KCNQ1OT1: variants seen among roughly 807,000 people sequenced by gnomAD.
KCNQ1OT1 encodes the protein KCNQ1 opposite strand/antisense transcript 1.
chr11:2,672,536 G>T (rs1015490369), exon 1 of KCNQ1OT1: 1 of 398,558 alleles, frequency 2.5e-6, no homozygotes, highest in Non-Finnish European at 4.4e-6. Flanking sequence ...TTACCAGCCT[G>T]TCTTCCACAT....
At chr11:2,689,425 G>A (rs1850552188) in exon 1 of KCNQ1OT1, 2 of 398,724 alleles carry the variant, frequency 5.0e-6, no homozygotes, top group South Asian at 2.5e-4. Context: ...CATAGGGGAG[G>A]AGGAAGACAC....
rs1849176933 is a variant in KCNQ1OT1, at chr11:2,621,808, T to C, written n.78187A>G. On this transcript the variant is annotated non_coding_transcript_exon_variant, in exon 1 of 1. Transcript: ENST00000597346. This position sits in a 1 kb window ranked among gnomAD's most constrained non-coding sequence, Gnocchi z 5.7. ...GATTTTATTTTTCAAAAATCAATTC[T>C]TTGTTTCAAAAATTGAAGTCTTAGT... 2 of 398,362 alleles carry C rather than the reference T, an allele frequency of 5.0e-6. No individual in the cohort carries two copies. Among genetic ancestry groups the C allele is most frequent in the East Asian group, 7.1e-5 (2 of 27,990 alleles). The allele number at this position is 398,362 out of a possible 1,614,324, so 24.7% of individuals were successfully genotyped here. A position where few individuals can be genotyped will look rare whatever the true frequency, so the allele number is the denominator to read the frequency against.
chr11:2,634,432 G>C (rs1849421221), exon 1 of KCNQ1OT1: 1 of 170,112 alleles, frequency 5.9e-6, no homozygotes, highest in African/African-American at 2.5e-5. Flanking sequence ...TGCGGTGTTT[G>C]GTTTTTCATT....
rs1590001331 is a variant in KCNQ1OT1 at position 2,644,259 on chromosome 11, C to T, written n.55736G>A. ...TTATGGCATCCTATAGTCACATAGC[C>T]TTTGTTCATTCTTTTCTATTTTTTC... On this transcript the variant is annotated non_coding_transcript_exon_variant, in exon 1 of 1. Transcript: ENST00000597346. 5.8e-5 allele frequency: 23 copies of T among 398,282 alleles called. No homozygotes were observed. In the East Asian group the frequency reaches 8.2e-4, roughly 14 times the overall value. The allele number at this position is 398,282 out of a possible 1,614,324, so 24.7% of individuals were successfully genotyped here.
In KCNQ1OT1 at chr11:2,687,128, G is replaced by A. The variant is rs1257075919; in HGVS notation, n.12867C>T. 5 of 398,546 alleles carry A rather than the reference G, an allele frequency of 1.3e-5. No individual in the cohort carries two copies. The highest frequency in any genetic ancestry group is 2.2e-5 in the Non-Finnish European group (5 of 226,078). 24.7% of individuals were successfully genotyped at this position (398,546 alleles called of 1,614,324 possible). ...CACCTTGACACACAAACTGCACAGG[G>A]AGGGGAGGAATCTGAGCCAGCTTCC... On this transcript the variant is annotated non_coding_transcript_exon_variant, in exon 1 of 1. Transcript: ENST00000597346. This position sits in a 1 kb window ranked among gnomAD's most constrained non-coding sequence, Gnocchi z 5.0.
chr11:2,679,420 C>A lies in KCNQ1OT1; in HGVS notation n.20575G>T. 5.0e-6 allele frequency: 2 copies of A among 398,584 alleles called. No homozygotes were observed. The highest frequency in any genetic ancestry group is 8.8e-6 in the Non-Finnish European group (2 of 226,058). The allele number at this position is 398,584 out of a possible 1,614,324, so 24.7% of individuals were successfully genotyped here. A position where few individuals can be genotyped will look rare whatever the true frequency, so the allele number is the denominator to read the frequency against. Reference sequence around the variant, plus strand: ...AAAATGGGAATCATAAGAGTACCTTCCTCAGAGGGTTGTTAGGAGGATTAC... The same window carrying A: ...AAAATGGGAATCATAAGAGTACCTTACTCAGAGGGTTGTTAGGAGGATTAC... On this transcript the variant is annotated non_coding_transcript_exon_variant, in exon 1 of 1. Coordinates refer to ENST00000597346, the Ensembl canonical transcript of KCNQ1OT1. The surrounding 1 kb of genome is among the most constrained non-coding windows in gnomAD (Gnocchi z 4.8).
chr11:2,621,802 C>A lies in KCNQ1OT1; in HGVS notation n.78193G>T. 5.0e-6 allele frequency: 2 copies of A among 398,246 alleles called. No individual in the cohort carries two copies. Among genetic ancestry groups the A allele is most frequent in the South Asian group, 2.6e-4 (2 of 7,826 alleles). The allele number at this position is 398,246 out of a possible 1,614,324, so 24.7% of individuals were successfully genotyped here. A position where few individuals can be genotyped will look rare whatever the true frequency, so the allele number is the denominator to read the frequency against. ...TTTGTTGATTTTATTTTTCAAAAAT[C>A]AATTCTTTGTTTCAAAAATTGAAGT... On this transcript the variant is annotated non_coding_transcript_exon_variant, in exon 1 of 1. Coordinates refer to ENST00000597346, the Ensembl canonical transcript of KCNQ1OT1. This position sits in a 1 kb window ranked among gnomAD's most constrained non-coding sequence, Gnocchi z 5.7.
At chr11:2,625,087 GGT>G (rs2133808895) in exon 1 of KCNQ1OT1, 1 of 398,374 alleles carries the variant, frequency 2.5e-6, no homozygotes, top group African/African-American at 2.1e-5. Flanking sequence ...AATCCTTCTG[GGT>G]GTATACACAG....
chr11:2,666,518 T>A, exon 1 of KCNQ1OT1: 1 of 398,724 alleles, frequency 2.5e-6, no homozygotes, highest in Non-Finnish European at 4.4e-6. Context: ...CGCTGTGGCC[T>A]GGCTTTCATC....
Position 2,624,393 on chromosome 11 carries a change from T to C in KCNQ1OT1, n.75602A>G. The C allele has an allele frequency of 2.5e-6, 1 of 398,544 alleles. No homozygotes were observed. The highest frequency in any genetic ancestry group is 4.4e-6 in the Non-Finnish European group (1 of 226,022). The allele number at this position is 398,544 out of a possible 1,614,324, so 24.7% of individuals were successfully genotyped here. A position where few individuals can be genotyped will look rare whatever the true frequency, so the allele number is the denominator to read the frequency against. On this transcript the variant is annotated non_coding_transcript_exon_variant, in exon 1 of 1. Coordinates refer to ENST00000597346, the Ensembl canonical transcript of KCNQ1OT1. This position sits in a 1 kb window ranked among gnomAD's most constrained non-coding sequence, Gnocchi z 4.9. ...TCCTTTCATCCTCTTGACAGTATGTTTTACAGAGCAGAAACTTTTATTTTT... is the reference window on the plus strand; with the variant it reads ...TCCTTTCATCCTCTTGACAGTATGTCTTACAGAGCAGAAACTTTTATTTTT...
exon 1 of KCNQ1OT1, chr11:2,615,539 T>C (rs1459950234): frequency 2.5e-6 from 1 of 397,968 alleles, no homozygotes; most frequent in Non-Finnish European, 4.4e-6. Flanking sequence ...TTGTGGATTT[T>C]TCACAAATCC....
exon 1 of KCNQ1OT1, chr11:2,662,179 G>A: frequency 1.9e-6 from 3 of 1,539,064 alleles, no homozygotes; most frequent in Non-Finnish European, 2.7e-6. Flanking sequence ...TGGCCAGAGT[G>A]CTATCTACTC....
At chr11:2,635,106 A>C (rs1849437631) in exon 1 of KCNQ1OT1, 1 of 152,182 alleles carries the variant, frequency 6.6e-6, no homozygotes, top group South Asian at 2.1e-4. Flanking sequence ...AGTAGATTGC[A>C]AAAAATTTCT....
At chr11:2,644,015 G>A (rs145720325) in exon 1 of KCNQ1OT1, 57 of 398,374 alleles carry the variant, frequency 1.4e-4, no homozygotes, top group African/African-American at 6.8e-4. Context: ...CTCTTTTATC[G>A]CTGGTTTTAT....
chr11:2,659,362 C>A lies in KCNQ1OT1; in HGVS notation n.40633G>T, dbSNP rs1023162391. 2 of 398,552 alleles carry A rather than the reference C, an allele frequency of 5.0e-6. No homozygotes were observed. The highest frequency in any genetic ancestry group is 3.6e-5 in the East Asian group (1 of 28,070). The allele number at this position is 398,552 out of a possible 1,614,324, so 24.7% of individuals were successfully genotyped here. ...TAAATGGGATCCTATAATATGTATT[C>A]TTTTGCATCTGGCTTCTTTCACTGC... is the stretch of plus-strand genomic sequence containing the variant. On this transcript the variant is annotated non_coding_transcript_exon_variant, in exon 1 of 1. Transcript: ENST00000597346. This position sits in a 1 kb window ranked among gnomAD's most constrained non-coding sequence, Gnocchi z 4.3.
exon 1 of KCNQ1OT1, chr11:2,631,811 T>G (rs1849357280): frequency 2.5e-6 from 1 of 398,560 alleles, no homozygotes; most frequent in Non-Finnish European, 4.4e-6. Flanking sequence ...TGGCCAAGGC[T>G]GAGTGTCCTG....
In KCNQ1OT1 at chr11:2,668,640, T is replaced by C. The variant is rs1238620227; in HGVS notation, n.31355A>G. 3 of 398,528 alleles carry C rather than the reference T, an allele frequency of 7.5e-6. No individual in the cohort carries two copies. Among genetic ancestry groups the C allele is most frequent in the Non-Finnish European group, 1.3e-5 (3 of 226,072 alleles). 24.7% of individuals were successfully genotyped at this position (398,528 alleles called of 1,614,324 possible). A position where few individuals can be genotyped will look rare whatever the true frequency, so the allele number is the denominator to read the frequency against. On this transcript the variant is annotated non_coding_transcript_exon_variant, in exon 1 of 1. Coordinates refer to ENST00000597346, the Ensembl canonical transcript of KCNQ1OT1. This position sits in a 1 kb window ranked among gnomAD's most constrained non-coding sequence, Gnocchi z 4.3. Reference sequence around the variant, plus strand: ...CTGCCTGTTTTATGTTTATTTATGGTCCTATATATCTTTAGATATTCTGGA... The same window carrying C: ...CTGCCTGTTTTATGTTTATTTATGGCCCTATATATCTTTAGATATTCTGGA...
exon 1 of KCNQ1OT1, chr11:2,646,027 C>A: frequency 2.5e-6 from 1 of 398,616 alleles, no homozygotes; most frequent in Non-Finnish European, 4.4e-6. Flanking sequence ...CACTTACTTA[C>A]CTTTCTGCAC....
exon 1 of KCNQ1OT1, chr11:2,699,481 C>G: frequency 5.3e-6 from 2 of 374,134 alleles, no homozygotes; most frequent in Non-Finnish European, 4.6e-6. Context: ...CGCTGAGGAG[C>G]CCCCGGGGAG....
Sources: gnomAD v4.1 joint callset for allele counts on GRCh38, gnomAD v4.1.1 for gene constraint, Gnocchi (gnomAD v3.1) non-coding constraint, MANE v1.5 for transcripts, NCBI Gene and HGNC (gene_info 2026-07-23, HGNC 2026-07-21) for gene names.